The following TRIM2 variants were observed in gnomAD, a reference collection of about 807,000 sequenced individuals.
The protein encoded by TRIM2 is tripartite motif containing 2, also known as tripartite motif-containing protein 2.
TRIM2 carries 20 observed loss-of-function variants against 75.2 expected under a neutral mutation model. That is an observed-to-expected ratio of 0.27 (90% CI 0.19 to 0.39). TRIM2 has a LOEUF of 0.39. Among genes scored for constraint, TRIM2 ranks in the 10% least tolerant of loss-of-function variants. TRIM2 has a pLI of 1.00. For synonymous variants in TRIM2, 373 were observed against 388.3 expected (o/e 0.96, Z 0.46); for missense variants, 660 against 990.8 (o/e 0.67, Z 4.48).
rs560965468 is a variant in TRIM2, at chr4:153,324,287, C to T, written c.2022+139C>T. The T allele has an allele frequency of 5.5e-5, 34 of 613,776 alleles. No homozygotes were observed. The South Asian group carries it at 8.0e-4, about 15-fold the overall frequency. The allele number at this position is 613,776 out of a possible 1,614,324, so 38.0% of individuals were successfully genotyped here. On this transcript the variant is annotated intron_variant, in intron 10 of 11. Coordinates refer to ENST00000338700, the MANE Select transcript of TRIM2 (RefSeq NM_015271.5). ...GTAGACTTTGTTCTGCTCAAAGATGCCGGTTTTAACTTGGACTTACAGACC... is the reference window on the plus strand; with the variant it reads ...GTAGACTTTGTTCTGCTCAAAGATGTCGGTTTTAACTTGGACTTACAGACC...
At chr4:153,169,376 T>C (rs1730622932) in intron 1 of TRIM2, among the ~76,000 whole-genome samples, 1 of 152,220 alleles carries the variant, frequency 6.6e-6, no homozygotes, top group African/African-American at 2.4e-5. Flanking sequence ...CTATCCAGTT[T>C]GCTTTATTTA....
intron 1 of TRIM2, among the ~76,000 whole-genome samples, chr4:153,185,111 T>C (rs1732463335): frequency 6.6e-6 from 1 of 152,252 alleles, no homozygotes. Context: ...CCCTTTGTAT[T>C]CTTTTTAACG....
intron 4 of TRIM2, 108 bp downstream of exon 4, chr4:153,293,241 A>C (rs1282387838): frequency 7.8e-6 from 9 of 1,160,782 alleles, no homozygotes; most frequent in Non-Finnish European, 1.1e-5. Context: ...TTGAGATATC[A>C]GGCTTTGTGG....
At chr4:153,332,397 C>A (rs1771658721) in intron 11 of TRIM2, among the ~76,000 whole-genome samples, 1 of 152,188 alleles carries the variant, frequency 6.6e-6, no homozygotes, top group Non-Finnish European at 1.5e-5. Context: ...GTAATCCCAG[C>A]ACTTTGGGAG....
intron 1 of TRIM2, among the ~76,000 whole-genome samples, chr4:153,172,704 AG>A (rs1731008731): frequency 6.6e-6 from 1 of 152,206 alleles, no homozygotes; most frequent in African/African-American, 2.4e-5. Flanking sequence ...GCCATAAAAC[AG>A]GATAGGAACA....
chr4:153,219,125 G>A (rs1000377738), intron 1 of TRIM2, among the ~76,000 whole-genome samples: 1 of 152,140 alleles, frequency 6.6e-6, no homozygotes, highest in Non-Finnish European at 1.5e-5. Flanking sequence ...TTTTACATAA[G>A]GTGTGTGCTC....
At chr4:153,220,635 G>A (rs919777068) in intron 1 of TRIM2, among the ~76,000 whole-genome samples, 1 of 152,116 alleles carries the variant, frequency 6.6e-6, no homozygotes, top group Non-Finnish European at 1.5e-5. Flanking sequence ...TAAATGTACT[G>A]TTCACAGTAT....
At chr4:153,259,070 A>G (rs904332471) in intron 1 of TRIM2, among the ~76,000 whole-genome samples, 2 of 152,202 alleles carry the variant, frequency 1.3e-5, no homozygotes, top group Non-Finnish European at 2.9e-5. Context: ...GACACAAGTG[A>G]TTTGCATTGG....
chr4:153,244,170 TCTTCTTCTTCTCCTCCTTCTTCTTCTC>T (rs1747587908), intron 1 of TRIM2, among the ~76,000 whole-genome samples: 1 of 144,316 alleles, frequency 6.9e-6, no homozygotes, highest in African/African-American at 2.8e-5. Flanking sequence ...TTCTTCTTCT[TCTTCTTCTTCTCCTCCTTCTTCTTCTC>T]CTCCTTTTCC....
chr4:153,323,218 G>C (rs1008902551), intron 9 of TRIM2, among the ~76,000 whole-genome samples: 1 of 152,176 alleles, frequency 6.6e-6, no homozygotes, highest in African/African-American at 2.4e-5. Flanking sequence ...TATTGTAAGA[G>C]AACAGGAGTC....
intron 11 of TRIM2, 139 bp downstream of exon 11, chr4:153,328,809 C>T: frequency 1.1e-6 from 1 of 938,156 alleles, no homozygotes; most frequent in Non-Finnish European, 1.5e-6. Flanking sequence ...ACCAGAAGGA[C>T]CAAACTCAGC....
Position 153,338,698 on chromosome 4 carries a change from G to A in TRIM2, c.*3732G>A. On this transcript the variant is annotated 3_prime_UTR_variant, in exon 12 of 12. Transcript: ENST00000338700. ...AAAACTTTCTAAAGATGAATTGTGT[G>A]GCAGTGATTGGTCTGTTTGTGGAGA... 4 of 985,710 alleles carry A rather than the reference G, an allele frequency of 4.1e-6. No homozygotes were observed. Among genetic ancestry groups the A allele is most frequent in the Non-Finnish European group, 4.8e-6 (4 of 829,888 alleles). 61.1% of individuals were successfully genotyped at this position (985,710 alleles called of 1,614,324 possible). A position where few individuals can be genotyped will look rare whatever the true frequency, so the allele number is the denominator to read the frequency against.
intron 1 of TRIM2, among the ~76,000 whole-genome samples, chr4:153,261,177 T>A (rs1362270210): frequency 6.6e-6 from 1 of 152,156 alleles, no homozygotes; most frequent in Non-Finnish European, 1.5e-5. Context: ...ATCCCAGCAT[T>A]TTAAGAGGCC....
intron 6 of TRIM2, among the ~76,000 whole-genome samples, chr4:153,306,279 G>T (rs1416207260): frequency 6.6e-6 from 1 of 152,160 alleles, no homozygotes; most frequent in Non-Finnish European, 1.5e-5. Context: ...CATATGGTGA[G>T]GATTAAAATA....
chr4:153,323,836 CT>C (rs1297520006), intron 9 of TRIM2, among the ~76,000 whole-genome samples: 1 of 152,068 alleles, frequency 6.6e-6, no homozygotes, highest in Non-Finnish European at 1.5e-5. Context: ...ATTAGGGCTG[CT>C]AGAACTCCCA....
chr4:153,255,592 C>T (rs552587087), intron 1 of TRIM2, among the ~76,000 whole-genome samples: 3 of 152,204 alleles, frequency 2.0e-5, no homozygotes, highest in East Asian at 3.9e-4. Flanking sequence ...AGAAGTGGGT[C>T]CTAATTAAAC....
chr4:153,216,909 C>T (rs901761760), intron 1 of TRIM2, among the ~76,000 whole-genome samples: 1 of 152,202 alleles, frequency 6.6e-6, no homozygotes, highest in Non-Finnish European at 1.5e-5. Context: ...AATACTATCA[C>T]ATTGGCAGTT....
At chr4:153,157,571 G>C (rs772978665) in intron 1 of TRIM2, among the ~76,000 whole-genome samples, 3 of 152,116 alleles carry the variant, frequency 2.0e-5, no homozygotes, top group African/African-American at 7.2e-5. Context: ...CCATAGGCTC[G>C]GGCTGAGATG....
chr4:153,245,363 G>A (rs188512901), intron 1 of TRIM2, among the ~76,000 whole-genome samples: 17 of 152,352 alleles, frequency 1.1e-4, no homozygotes, highest in Admixed American at 3.3e-4. Flanking sequence ...CAGACAGTGA[G>A]TTAGGGTATT....
Sources: allele counts gnomAD v4.1 joint callset (sites outside exome capture counted in the v4.1 genomes callset), GRCh38; gene constraint gnomAD v4.1.1; transcripts MANE v1.5; gene names NCBI Gene and HGNC (gene_info 2026-07-23, HGNC 2026-07-21).